The following LMCD1 variants were observed in gnomAD, a reference collection of about 807,000 sequenced individuals.
LMCD1 encodes LIM and cysteine-rich domains protein 1.
In LMCD1, 32 loss-of-function variants were observed where a neutral mutation model predicts 42.7. That is an observed-to-expected ratio of 0.75 (90% confidence interval 0.57 to 1.01). The LOEUF is 1.01. Ranked by LOEUF, LMCD1 falls within the 50% of genes least tolerant of loss-of-function variation. The probability of loss-of-function intolerance (pLI) is 0.00; values close to 1 mark genes in which losing one functional copy is unlikely to be tolerated. For missense variants in LMCD1, 458 were observed against 483.1 expected (o/e 0.95, Z 0.49); for synonymous variants, 178 against 184.9 (o/e 0.96, Z 0.30).
In LMCD1 at chr3:8,548,791, A is replaced by T; in HGVS notation, c.611A>T (p.Gln204Leu). ...LGVGEVALPGQGGLPKEEGKQ... is the reference protein window; with the variant it reads ...LGVGEVALPGLGGLPKEEGKQ... ...GTGGGAGAAGTGGCCCTCCCGGGGC[A>T]GGGTGGCTTGCCCAAGGAGGAGGGG... Residue 204 changes from glutamine (Q) to leucine (L), a missense_variant, in exon 4 of 6, where the codon CAG becomes CTG. Physicochemically the swap from Gln to Leu is moderately radical, Grantham distance 113. Transcript: ENST00000157600. 6.2e-7 allele frequency: 1 copy of T among 1,610,710 alleles called. No homozygotes were observed. The highest frequency in any genetic ancestry group is 8.5e-7 in the Non-Finnish European group (1 of 1,177,082).
intron 1 of LMCD1, among the ~76,000 whole-genome samples, chr3:8,505,314 T>A (rs1185723305): frequency 6.6e-6 from 1 of 152,196 alleles, no homozygotes; most frequent in African/African-American, 2.4e-5. Context: ...GGGTGCAAAA[T>A]CTGCTTACAT....
At chr3:8,509,645 T>G (rs1188314454) in intron 1 of LMCD1, among the ~76,000 whole-genome samples, 1 of 152,228 alleles carries the variant, frequency 6.6e-6, no homozygotes, top group Non-Finnish European at 1.5e-5. Context: ...GTCAGTGTTC[T>G]GTGAGTCTTT....
chr3:8,563,459 G>A (rs1493591), intron 4 of LMCD1, among the ~76,000 whole-genome samples: 51,269 of 152,202 alleles, frequency 0.34, 9,765 homozygotes, highest in African/African-American at 0.5. Flanking sequence ...GCGGGGCCCA[G>A]TAGAGGGTCC....
chr3:8,524,312 C>T (rs1031594801), intron 1 of LMCD1, among the ~76,000 whole-genome samples: 1 of 152,114 alleles, frequency 6.6e-6, no homozygotes, highest in Non-Finnish European at 1.5e-5. Context: ...AAGCTTCCAC[C>T]TGAAGTTGGG....
chr3:8,549,738 G>A (rs1260904451), intron 4 of LMCD1: 1 of 693,262 alleles, frequency 1.4e-6, no homozygotes, highest in African/African-American at 1.8e-5. Context: ...AGGCTGAGAA[G>A]TCCAAGGCCA....
chr3:8,567,336 A>G lies in LMCD1; in HGVS notation c.940-104A>G, dbSNP rs1034676594. On this transcript the variant is annotated intron_variant, in intron 5 of 5. Transcript: ENST00000157600. ...ACTAAGGCTTTAAAAGGTCAAAACA[A>G]GAATAGGATGGGATGAACCACCACC... The G allele has an allele frequency of 9.3e-6, 11 of 1,178,372 alleles. No homozygotes were observed. The Admixed American group carries it at 2.7e-4, about 29-fold the overall frequency. The allele number at this position is 1,178,372 out of a possible 1,614,324, so 73.0% of individuals were successfully genotyped here. A position where few individuals can be genotyped will look rare whatever the true frequency, so the allele number is the denominator to read the frequency against.
chr3:8,568,524 G>A lies in LMCD1; in HGVS notation c.*926G>A. 6.6e-6 allele frequency: 1 copy of A among 152,084 alleles called. No individual in the cohort carries two copies. Among genetic ancestry groups the A allele is most frequent in the East Asian group, 1.9e-4 (1 of 5,198 alleles). The allele number at this position is 152,084 out of a possible 1,614,324, so 9.4% of individuals were successfully genotyped here. On this transcript the variant is annotated 3_prime_UTR_variant, in exon 6 of 6. Transcript: ENST00000157600. The stretch of plus-strand genomic sequence containing the variant: ...CACATGGGATGTGGTGACTAATGTG[G>A]GCAGATCTTTAAAAATACAGCACTT...
intron 1 of LMCD1, among the ~76,000 whole-genome samples, chr3:8,516,484 G>A (rs1173767102): frequency 6.6e-6 from 1 of 152,104 alleles, no homozygotes. Flanking sequence ...CAGGAAAGTG[G>A]CGGAATCATT....
intron 4 of LMCD1, chr3:8,550,338 A>G (rs1694819525): frequency 5.0e-6 from 5 of 992,588 alleles, no homozygotes; most frequent in South Asian, 9.0e-5. Context: ...TAGAAGTCCC[A>G]GCACACGAGA....
At chr3:8,533,029 G>A (rs1181820272) in intron 2 of LMCD1, among the ~76,000 whole-genome samples, 1 of 152,120 alleles carries the variant, frequency 6.6e-6, no homozygotes, top group Non-Finnish European at 1.5e-5. Flanking sequence ...CAGTAAAGAT[G>A]TGAAGAAGGA....
intron 4 of LMCD1, among the ~76,000 whole-genome samples, chr3:8,562,797 C>T (rs113466447): frequency 9.2e-5 from 14 of 152,326 alleles, no homozygotes; most frequent in African/African-American, 3.1e-4. Context: ...ACACACAAAG[C>T]TCCAGTTTCC....
intron 4 of LMCD1, among the ~76,000 whole-genome samples, chr3:8,564,843 T>A (rs996957044): frequency 3.9e-5 from 6 of 152,182 alleles, no homozygotes; most frequent in Non-Finnish European, 4.4e-5. Flanking sequence ...GAGTTCAGAT[T>A]TTCTTCATGT....
At chr3:8,542,245 G>T (rs1430135163) in intron 3 of LMCD1, among the ~76,000 whole-genome samples, 1 of 151,838 alleles carries the variant, frequency 6.6e-6, no homozygotes, top group East Asian at 1.9e-4. Context: ...CAAGCCATCT[G>T]CCCGCCTTGG....
At chr3:8,551,296 T>TA in intron 4 of LMCD1, 1 of 985,454 alleles carries the variant, frequency 1.0e-6, no homozygotes, top group Non-Finnish European at 1.2e-6. Context: ...ACTTAAGCCT[T>TA]AAAAAATGGG....
intron 3 of LMCD1, 67 bp from the exon 4 acceptor site, chr3:8,548,501 T>C (rs377621743): frequency 3.2e-5 from 37 of 1,140,746 alleles, no homozygotes; most frequent in African/African-American, 1.9e-4. Flanking sequence ...GTAGATTCTG[T>C]CATAGTTTCT....
chr3:8,565,273 ATTG>A (rs1559358727), intron 4 of LMCD1, among the ~76,000 whole-genome samples, 156 bp from the exon 5 acceptor site: 1 of 152,182 alleles, frequency 6.6e-6, no homozygotes, highest in Non-Finnish European at 1.5e-5. Flanking sequence ...AGGCAATATT[ATTG>A]TGTCGCTTTG....
intron 4 of LMCD1, chr3:8,549,864 C>G: frequency 1.4e-6 from 1 of 726,710 alleles, no homozygotes; most frequent in Non-Finnish European, 2.5e-6. Context: ...GTCTCTCTTC[C>G]TCTTCTTAGA....
At chr3:8,538,389 G>A (rs1338947712) in intron 3 of LMCD1, among the ~76,000 whole-genome samples, 1 of 152,200 alleles carries the variant, frequency 6.6e-6, no homozygotes, top group Non-Finnish European at 1.5e-5. Context: ...AATACAATTT[G>A]TAGAAGGTTC....
intron 4 of LMCD1, among the ~76,000 whole-genome samples, chr3:8,565,149 C>CT (rs1289783209): frequency 6.6e-6 from 1 of 152,100 alleles, no homozygotes; most frequent in Non-Finnish European, 1.5e-5. Context: ...AACAAAAACT[C>CT]TGTAGGGGTC....
Sources: gnomAD v4.1 joint callset for allele counts (sites outside exome capture counted in the v4.1 genomes callset) on GRCh38, gnomAD v4.1.1 for gene constraint, MANE v1.5 for transcripts, NCBI Gene and HGNC (gene_info 2026-07-23, HGNC 2026-07-21) for gene names.